The following LYST variants were observed in gnomAD, a reference collection of about 807,000 sequenced individuals.
LYST encodes lysosomal trafficking regulator, also known as lysosomal-trafficking regulator.
Under a neutral mutation model 413.6 loss-of-function variants are expected in LYST, and 192 were observed. That is an observed-to-expected ratio of 0.46 (90% CI 0.41 to 0.52). The LOEUF (loss-of-function observed/expected upper bound fraction) is 0.52, where lower values mean the gene tolerates loss of function less well. LYST is among the 20% of genes least tolerant of loss of function. LYST has a pLI of 0.00. For missense variants in LYST, 3,815 were observed against 4,499.9 expected (o/e 0.85, Z 4.35); for synonymous variants, 1,525 against 1,567.3 (o/e 0.97, Z 0.64).
In LYST at chr1:235,805,879, T is replaced by C; in HGVS notation, c.3257A>G (p.Glu1086Gly). ...TTGACTTGTAAATAGCTTTGCTTCCTCGGGAGCGGCTTCAGTAGCTGAAAC... is the reference window on the plus strand; with the variant it reads ...TTGACTTGTAAATAGCTTTGCTTCCCCGGGAGCGGCTTCAGTAGCTGAAAC... Reference protein sequence around the residue: ...EEVSATEAAPEEAKLFTSQES... With the variant: ...EEVSATEAAPGEAKLFTSQES... The change falls in exon 6 of 53, where the codon GAG (glutamate) becomes GGG (glycine). Residue 1086 changes from glutamate (E) to glycine (G), a missense_variant. Glu to Gly is a moderately conservative substitution (Grantham distance 98, BLOSUM62 -2). Coordinates refer to ENST00000389793, the MANE Select transcript of LYST (RefSeq NM_000081.4). 1 of 1,613,828 alleles carries C rather than the reference T, an allele frequency of 6.2e-7. No individual in the cohort carries two copies.
At chr1:235,739,951 G>A (rs1572114412) in intron 31 of LYST, among the ~76,000 whole-genome samples, 1 of 152,204 alleles carries the variant, frequency 6.6e-6, no homozygotes, top group East Asian at 1.9e-4. Flanking sequence ...GAAGTAGTGG[G>A]AAAGGGAAGA....
intron 14 of LYST, among the ~76,000 whole-genome samples, chr1:235,784,363 T>TA (rs1670191984): frequency 6.6e-6 from 1 of 152,196 alleles, no homozygotes; most frequent in Admixed American, 6.5e-5. Flanking sequence ...AACAGAGTGA[T>TA]ATGTGAATCA....
intron 9 of LYST, 151 bp from the exon 10 acceptor site, chr1:235,800,537 A>G (rs1380650803): frequency 1.6e-6 from 1 of 612,256 alleles, no homozygotes; most frequent in African/African-American, 1.9e-5. Flanking sequence ...GTGTAGGATT[A>G]TACTAATTTT....
At chr1:235,679,117 C>CAGTT (rs1332274954) in intron 48 of LYST, among the ~76,000 whole-genome samples, 1 of 152,188 alleles carries the variant, frequency 6.6e-6, no homozygotes, top group Non-Finnish European at 1.5e-5. Context: ...AGCTGTGTAG[C>CAGTT]AACTGCCTGT....
chr1:235,671,499 T>C (rs2103024135), intron 50 of LYST, among the ~76,000 whole-genome samples: 2 of 152,296 alleles, frequency 1.3e-5, no homozygotes, highest in Middle Eastern at 3.4e-3. Context: ...TGGGACAGAA[T>C]GTGGGGAGGG....
rs891255868 is a variant in LYST at position 235,809,183 on chromosome 1, C to T, written c.1635G>A (p.Glu545=). ...CACACACTGCAATGCAACAGCACCG[C>T]TCAGGATAATAAACATCTCCATCTG... is the stretch of plus-strand genomic sequence containing the variant. ...ETADGDVYYP[E]RCCCIAVCAH... Residue 545 remains glutamate, a synonymous_variant, in exon 5 of 53, where the codon GAG becomes GAA. Coordinates refer to ENST00000389793, the MANE Select transcript of LYST (RefSeq NM_000081.4). This position sits in a 1 kb window ranked among gnomAD's most constrained non-coding sequence, Gnocchi z 4.0. The T allele has an allele frequency of 6.2e-7, 1 of 1,613,862 alleles. No individual in the cohort carries two copies. The highest frequency in any genetic ancestry group is 8.5e-7 in the Non-Finnish European group (1 of 1,179,974).
At chr1:235,689,008 TAATAATAATAATAATAATAAC>T (rs1660433560) in intron 47 of LYST, among the ~76,000 whole-genome samples, 1 of 133,262 alleles carries the variant, frequency 7.5e-6, no homozygotes, top group South Asian at 2.2e-4. Flanking sequence ...ATAATAATAA[TAATAATAATAATAATAATAAC>T]AACAACAACA....
intron 4 of LYST, among the ~76,000 whole-genome samples, chr1:235,812,362 T>A (rs1012476450): frequency 6.6e-6 from 1 of 151,690 alleles, no homozygotes; most frequent in Non-Finnish European, 1.5e-5. Context: ...CAAAAATTAG[T>A]CTGGCATGGT....
At chr1:235,730,312 C>T (rs972048518) in intron 36 of LYST, among the ~76,000 whole-genome samples, 1 of 151,888 alleles carries the variant, frequency 6.6e-6, no homozygotes, top group African/African-American at 2.4e-5. Flanking sequence ...ATTATTATTT[C>T]TTCATTTAAT....
chr1:235,764,495 CTTTTTTTTT>C (rs1020736833), intron 21 of LYST, among the ~76,000 whole-genome samples: 1 of 97,948 alleles, frequency 1.0e-5, no homozygotes, highest in South Asian at 3.2e-4. Flanking sequence ...TTTTTCTTTT[CTTTTTTTTT>C]TTTTTTTTTT....
intron 1 of LYST, among the ~76,000 whole-genome samples, chr1:235,841,041 A>C (rs1013294605): frequency 5.3e-5 from 8 of 152,086 alleles, no homozygotes; most frequent in African/African-American, 1.9e-4. Flanking sequence ...GGGCAAAACC[A>C]CTCCACACCA....
At chr1:235,729,736 A>G (rs564864367) in intron 36 of LYST, 79 bp from the exon 37 acceptor site, 40 of 1,026,692 alleles carry the variant, frequency 3.9e-5, no homozygotes, top group Non-Finnish European at 5.5e-5. Context: ...TTTACCTAGT[A>G]AAAGATTTCT....
Position 235,757,334 on chromosome 1 carries a change from G to A in LYST, c.7006C>T (p.Leu2336Phe). ...VMDKLIQADT[L>F]LVLVNHPSPA... is the part of the protein sequence containing the mutation. ...GATGGGTGGTTAACGAGGACCAAAA[G>A]TGTATCTGCTTGAATAAGCTTGTCC... The change falls in exon 24 of 53, where the codon CTT becomes TTT. Residue 2336 changes from leucine (L) to phenylalanine (F), a missense_variant. Around this residue, in one of 4 missense-constraint regions of LYST, gnomAD observed 771 missense variants for 837.1 expected, o/e 0.92. Coordinates refer to ENST00000389793, the MANE Select transcript of LYST (RefSeq NM_000081.4). 6.2e-7 allele frequency: 1 copy of A among 1,613,602 alleles called. No individual in the cohort carries two copies. Among genetic ancestry groups the A allele is most frequent in the Non-Finnish European group, 8.5e-7 (1 of 1,179,784 alleles).
chr1:235,720,528 G>T, intron 40 of LYST, 133 bp downstream of exon 40: 2 of 856,758 alleles, frequency 2.3e-6, no homozygotes, highest in Non-Finnish European at 3.7e-6. Flanking sequence ...TTGAACCAGG[G>T]TGATAGGTAT....
intron 3 of LYST, among the ~76,000 whole-genome samples, chr1:235,829,257 C>G (rs563636954): frequency 6.6e-6 from 1 of 152,134 alleles, no homozygotes; most frequent in African/African-American, 2.4e-5. Flanking sequence ...CAAGTAAATG[C>G]TTCCTAATTT....
intron 28 of LYST, among the ~76,000 whole-genome samples, chr1:235,750,190 G>T (rs1456210704): frequency 6.6e-6 from 1 of 152,106 alleles, no homozygotes; most frequent in Non-Finnish European, 1.5e-5. Context: ...TTCTACTCAG[G>T]ACAAAAGAGA....
chr1:235,721,364 TTAAA>T (rs1406933880), intron 39 of LYST, among the ~76,000 whole-genome samples: 1 of 152,214 alleles, frequency 6.6e-6, no homozygotes, highest in Non-Finnish European at 1.5e-5. Flanking sequence ...CTCATAAGAA[TTAAA>T]TAAAGTATCC....
intron 1 of LYST, among the ~76,000 whole-genome samples, chr1:235,835,713 T>C (rs949441990): frequency 1.3e-5 from 2 of 152,206 alleles, no homozygotes; most frequent in Admixed American, 1.3e-4. Flanking sequence ...GTCCAGAACA[T>C]CTGGAAGTAT....
intron 1 of LYST, among the ~76,000 whole-genome samples, chr1:235,845,433 A>G (rs962873023): frequency 1.2e-4 from 19 of 152,190 alleles, no homozygotes; most frequent in African/African-American, 4.6e-4. Flanking sequence ...CCACAGGGAA[A>G]GGAATTCTCT....
Sources: allele counts gnomAD v4.1 joint callset (sites outside exome capture counted in the v4.1 genomes callset), GRCh38; gene constraint gnomAD v4.1.1; regional missense constraint gnomAD v4.1.1; non-coding constraint Gnocchi (gnomAD v3.1); transcripts MANE v1.5; gene names NCBI Gene and HGNC (gene_info 2026-07-23, HGNC 2026-07-21).